ATP6V1H: variants seen among roughly 807,000 people sequenced by gnomAD.
ATP6V1H encodes ATPase H+ transporting V1 subunit H.
In ATP6V1H, 39 loss-of-function variants were observed where a neutral mutation model predicts 71.7. The ratio of observed to expected loss-of-function variants is 0.54; its 90% CI spans 0.42 to 0.71. ATP6V1H has a LOEUF of 0.71. Among genes scored for constraint, ATP6V1H ranks in the 30% least tolerant of loss-of-function variants. The probability of loss-of-function intolerance (pLI) is 0.00; values close to 1 mark genes in which losing one functional copy is unlikely to be tolerated. For synonymous variants in ATP6V1H, 192 were observed against 199.3 expected, an observed-to-expected ratio of 0.96 and a Z score of 0.31; for missense variants, 509 against 594.9, an observed-to-expected ratio of 0.86 and a Z score of 1.50.
At chr8:53,759,635 A>C (rs1156263829) in intron 11 of ATP6V1H, among the ~76,000 whole-genome samples, 1 of 152,238 alleles carries the variant, frequency 6.6e-6, no homozygotes, top group Admixed American at 6.5e-5. Flanking sequence ...TTACATTATT[A>C]TTCTAATTGA....
chr8:53,716,452 A>G (rs1806424904), intron 13 of ATP6V1H, among the ~76,000 whole-genome samples: 1 of 152,230 alleles, frequency 6.6e-6, no homozygotes, highest in Non-Finnish European at 1.5e-5. Flanking sequence ...TGAAAAACAA[A>G]TGTCCTGCTA....
chr8:53,790,160 A>G (rs1294418930), intron 9 of ATP6V1H, among the ~76,000 whole-genome samples: 3 of 152,192 alleles, frequency 2.0e-5, no homozygotes, highest in Non-Finnish European at 4.4e-5. Context: ...AATTAAGTAA[A>G]CATGTTTTTA....
chr8:53,781,003 G>C lies in ATP6V1H; in HGVS notation c.871-8836C>G, dbSNP rs565606507. The stretch of plus-strand genomic sequence containing the variant: ...GTGAATAGAGCTGCAATAAACATAC[G>C]TGTGCATGTGTCTTTATAGCAGCAT... On this transcript the variant is annotated intron_variant, in intron 9 of 13. Coordinates refer to ENST00000359530, the MANE Select transcript of ATP6V1H (RefSeq NM_015941.4). Among the ~76,000 whole-genome samples, 290 of 152,222 alleles carry C rather than the reference G, an allele frequency of 1.9e-3. 4 individuals carry two copies. Among genetic ancestry groups the C allele is most frequent in the African/African-American group, 6.6e-3 (274 of 41,526 alleles).
At chr8:53,774,557 T>A (rs1808795183) in intron 9 of ATP6V1H, among the ~76,000 whole-genome samples, 1 of 152,198 alleles carries the variant, frequency 6.6e-6, no homozygotes, top group Non-Finnish European at 1.5e-5. Flanking sequence ...TTAAAATATA[T>A]TCCAGAGACT....
chr8:53,802,007 C>A, intron 7 of ATP6V1H, 111 bp from the exon 8 acceptor site: 2 of 877,622 alleles, frequency 2.3e-6, no homozygotes, highest in Non-Finnish European at 3.5e-6. Flanking sequence ...ACCATCTGAG[C>A]ATCCAAAATT....
At chr8:53,836,854 A>G (rs916311698) in intron 2 of ATP6V1H, among the ~76,000 whole-genome samples, 1 of 152,210 alleles carries the variant, frequency 6.6e-6, no homozygotes, top group African/African-American at 2.4e-5. Flanking sequence ...AGAGAATAGG[A>G]TAGAAGCTGG....
intron 13 of ATP6V1H, among the ~76,000 whole-genome samples, chr8:53,723,960 A>G (rs984566139): frequency 6.6e-6 from 1 of 152,230 alleles, no homozygotes; most frequent in African/African-American, 2.4e-5. Context: ...CCCTCTGTCA[A>G]AAACCAGTTT....
intron 12 of ATP6V1H, among the ~76,000 whole-genome samples, chr8:53,755,734 AT>A (rs1563451244): frequency 7.2e-4 from 3 of 4,152 alleles, no homozygotes; most frequent in African/African-American, 5.7e-3. Context: ...ATATATATAT[AT>A]ATATATATAT....
intron 8 of ATP6V1H, among the ~76,000 whole-genome samples, chr8:53,799,188 A>G (rs1308393973): frequency 6.6e-6 from 1 of 152,152 alleles, no homozygotes; most frequent in African/African-American, 2.4e-5. Context: ...AAACAATTCT[A>G]CTGGACTCTT....
chr8:53,764,053 G>A (rs73587654), intron 11 of ATP6V1H, among the ~76,000 whole-genome samples: 30 of 152,260 alleles, frequency 2.0e-4, no homozygotes, highest in African/African-American at 7.2e-4. Flanking sequence ...TTACAAAACA[G>A]AAAGCAACAG....
intron 13 of ATP6V1H, among the ~76,000 whole-genome samples, chr8:53,736,024 T>G (rs1006159170): frequency 2.0e-5 from 3 of 152,188 alleles, no homozygotes; most frequent in African/African-American, 7.2e-5. Context: ...AGCTGACTAG[T>G]CTACCCACGG....
chr8:53,838,456 C>G (rs1811236439), intron 2 of ATP6V1H, among the ~76,000 whole-genome samples: 1 of 152,142 alleles, frequency 6.6e-6, no homozygotes, highest in Admixed American at 6.6e-5. Context: ...GAAAATTCCC[C>G]CAATACTCCC....
At chr8:53,731,253 C>A (rs1807010292) in intron 13 of ATP6V1H, among the ~76,000 whole-genome samples, 2 of 152,124 alleles carry the variant, frequency 1.3e-5, no homozygotes, top group African/African-American at 4.8e-5. Context: ...TCCTGTGACA[C>A]CTACATACAC....
At chr8:53,755,528 C>A (rs1362418629) in intron 12 of ATP6V1H, among the ~76,000 whole-genome samples, 3 of 149,210 alleles carry the variant, frequency 2.0e-5, no homozygotes, top group Non-Finnish European at 4.5e-5. Flanking sequence ...AGTGGCGATT[C>A]TTTTCCTAAG....
At chr8:53,786,440 C>G (rs545599932) in intron 9 of ATP6V1H, among the ~76,000 whole-genome samples, 5 of 152,260 alleles carry the variant, frequency 3.3e-5, no homozygotes, top group Non-Finnish European at 7.4e-5. Flanking sequence ...GTCTGTCACC[C>G]CTTTCTTTGA....
chr8:53,807,923 T>C (rs1810141289), intron 7 of ATP6V1H, among the ~76,000 whole-genome samples: 1 of 152,236 alleles, frequency 6.6e-6, no homozygotes, highest in African/African-American at 2.4e-5. Context: ...GCTGCCACAA[T>C]GGACAGTACA....
intron 9 of ATP6V1H, among the ~76,000 whole-genome samples, chr8:53,773,372 A>C (rs915719817): frequency 6.6e-6 from 1 of 152,158 alleles, no homozygotes; most frequent in Non-Finnish European, 1.5e-5. Context: ...TACTGAACCA[A>C]CCTCTCTCTG....
chr8:53,730,365 TATCA>T (rs1231148482), intron 13 of ATP6V1H, among the ~76,000 whole-genome samples: 1 of 152,258 alleles, frequency 6.6e-6, no homozygotes, highest in African/African-American at 2.4e-5. Flanking sequence ...TCACTAGCAG[TATCA>T]ATTACATTCC....
At chr8:53,746,582 A>C (rs1483352946) in intron 12 of ATP6V1H, among the ~76,000 whole-genome samples, 2 of 152,112 alleles carry the variant, frequency 1.3e-5, no homozygotes, top group Admixed American at 1.3e-4. Flanking sequence ...TTTATTTCTT[A>C]AGCATTTAGT....
Sources: gnomAD v4.1 joint callset for allele counts (sites outside exome capture counted in the v4.1 genomes callset) on GRCh38, gnomAD v4.1.1 for gene constraint, MANE v1.5 for transcripts, NCBI Gene and HGNC (gene_info 2026-07-23, HGNC 2026-07-21) for gene names.